TNFAIP8: variants seen among roughly 807,000 people sequenced by gnomAD.
The protein encoded by TNFAIP8 is tumor necrosis factor alpha-induced protein 8.
A neutral mutation model predicts 13.3 loss-of-function variants in TNFAIP8; 7 were observed. The observed-to-expected ratio is 0.52, with a 90% CI of 0.30 to 0.99. TNFAIP8 has a LOEUF of 0.99. Among genes scored for constraint, TNFAIP8 ranks in the 50% least tolerant of loss-of-function variants. The pLI is 0.07. For missense variants in TNFAIP8, 258 were observed against 236.9 expected (o/e 1.09, Z -0.58); for synonymous variants, 94 against 87.6 (o/e 1.07, Z -0.41).
At chr5:119,315,495 G>T (rs1749866443) in intron 1 of TNFAIP8, among the ~76,000 whole-genome samples, 1 of 152,184 alleles carries the variant, frequency 6.6e-6, no homozygotes, top group Admixed American at 6.5e-5. Flanking sequence ...CAGACAATGT[G>T]TGTTGGCATA....
At position 119,395,798 on chromosome 5, in the gene TNFAIP8, C is replaced by T. The variant is rs907425202; in HGVS notation, c.*2417C>T. 4.6e-5 allele frequency: 7 copies of T among 152,134 alleles called. No individual in the cohort carries two copies. The highest frequency in any genetic ancestry group is 2.1e-4 in the South Asian group (1 of 4,830). The allele number at this position is 152,134 out of a possible 1,614,324, so 9.4% of individuals were successfully genotyped here. ...GCGTGGGAGCTGGGAAGAATCCCCA[C>T]GTGCTTAGGGTAGATAAATCTGAGC... On this transcript the variant is annotated 3_prime_UTR_variant, in exon 2 of 2. Transcript: ENST00000504771.
chr5:119,268,924 C>T, intron 1 of TNFAIP8: 1 of 698,344 alleles, frequency 1.4e-6, no homozygotes. Context: ...GGCTCCTGGG[C>T]GCGCCCGTCC....
At chr5:119,319,978 T>G (rs1215003939) in intron 1 of TNFAIP8, among the ~76,000 whole-genome samples, 1 of 152,162 alleles carries the variant, frequency 6.6e-6, no homozygotes, top group Non-Finnish European at 1.5e-5. Flanking sequence ...GGAAAACAGA[T>G]TTCTGTTCAG....
chr5:119,274,527 A>G (rs569874280), intron 1 of TNFAIP8, among the ~76,000 whole-genome samples: 1 of 152,362 alleles, frequency 6.6e-6, no homozygotes, highest in Non-Finnish European at 1.5e-5. Context: ...GAGTGAACTC[A>G]GGCCTTCCCA....
At chr5:119,340,359 G>T (rs546839824) in intron 1 of TNFAIP8, among the ~76,000 whole-genome samples, 1 of 152,158 alleles carries the variant, frequency 6.6e-6, no homozygotes, top group African/African-American at 2.4e-5. Flanking sequence ...ACAGAAATTC[G>T]ATTCAGGAAC....
intron 1 of TNFAIP8, among the ~76,000 whole-genome samples, chr5:119,321,012 T>A (rs1409929812): frequency 6.6e-6 from 1 of 152,152 alleles, no homozygotes; most frequent in Non-Finnish European, 1.5e-5. Flanking sequence ...GTCAGGAGAT[T>A]GAGGCCATCC....
intron 1 of TNFAIP8, among the ~76,000 whole-genome samples, chr5:119,303,412 T>C (rs1561991958): frequency 6.6e-6 from 1 of 152,118 alleles, no homozygotes; most frequent in African/African-American, 2.4e-5. Context: ...CCTGGTACAG[T>C]ATGAGCAGTG....
At chr5:119,272,800 T>A (rs894591016) in intron 1 of TNFAIP8, among the ~76,000 whole-genome samples, 2 of 152,186 alleles carry the variant, frequency 1.3e-5, no homozygotes, top group Non-Finnish European at 2.9e-5. Flanking sequence ...AAAAAGGTTG[T>A]TTTCCTAGGC....
chr5:119,368,442 TGTGTGTGTGTGTGTGTGC>T (rs1751951950), intron 1 of TNFAIP8, among the ~76,000 whole-genome samples: 3 of 137,726 alleles, frequency 2.2e-5, no homozygotes, highest in South Asian at 4.5e-4. Context: ...TGTGTGTGTG[TGTGTGTGTGTGTGTGTGC>T]GTGTGTGTGT....
intron 1 of TNFAIP8, among the ~76,000 whole-genome samples, chr5:119,345,718 G>A (rs1310368049): frequency 6.6e-6 from 1 of 152,170 alleles, no homozygotes; most frequent in Non-Finnish European, 1.5e-5. Context: ...AGAGAATGGC[G>A]AATTAGTCTT....
chr5:119,390,417 C>T (rs1250968581), intron 1 of TNFAIP8, among the ~76,000 whole-genome samples: 1 of 151,992 alleles, frequency 6.6e-6, no homozygotes. Context: ...GACATAAATT[C>T]TTTAGTGTGA....
intron 1 of TNFAIP8, among the ~76,000 whole-genome samples, chr5:119,303,220 A>T (rs1749449271): frequency 6.6e-6 from 1 of 152,210 alleles, no homozygotes; most frequent in African/African-American, 2.4e-5. Flanking sequence ...TACCCATGCC[A>T]GTGAGGTCAT....
intron 1 of TNFAIP8, among the ~76,000 whole-genome samples, chr5:119,364,119 G>A (rs370852286): frequency 7.9e-5 from 12 of 152,112 alleles, no homozygotes; most frequent in African/African-American, 1.9e-4. Flanking sequence ...TCTCCAGCCC[G>A]TCTCCCCTGC....
chr5:119,322,023 A>C (rs563864616), intron 1 of TNFAIP8, among the ~76,000 whole-genome samples: 36 of 152,128 alleles, frequency 2.4e-4, no homozygotes, highest in African/African-American at 8.7e-4. Context: ...GAGCCTTTGC[A>C]CACACCCCTC....
chr5:119,336,508 G>A (rs774522144), intron 1 of TNFAIP8, among the ~76,000 whole-genome samples: 3 of 149,562 alleles, frequency 2.0e-5, no homozygotes, highest in Non-Finnish European at 4.4e-5. Context: ...AACAAACACA[G>A]AAAGCCTTAG....
intron 1 of TNFAIP8, among the ~76,000 whole-genome samples, chr5:119,319,754 C>T (rs903916906): frequency 1.2e-4 from 18 of 152,066 alleles, no homozygotes; most frequent in Admixed American, 3.9e-4. Flanking sequence ...TAAAGAACGC[C>T]GAGGTGGATT....
intron 1 of TNFAIP8, chr5:119,333,746 G>A (rs1337202126): frequency 2.9e-5 from 27 of 935,152 alleles, no homozygotes; most frequent in African/African-American, 6.4e-5. Context: ...ATGTTTGGTC[G>A]TGGCTTTAGA....
chr5:119,339,745 G>A (rs1750675209), intron 1 of TNFAIP8, among the ~76,000 whole-genome samples: 1 of 152,050 alleles, frequency 6.6e-6, no homozygotes, highest in Non-Finnish European at 1.5e-5. Flanking sequence ...TTCAATCTAT[G>A]GTAATTACAT....
At chr5:119,338,076 A>AC (rs887275485) in intron 1 of TNFAIP8, among the ~76,000 whole-genome samples, 2 of 151,496 alleles carry the variant, frequency 1.3e-5, no homozygotes, top group Non-Finnish European at 2.9e-5. Flanking sequence ...TGAGCTCCTC[A>AC]CCACACCTTC....
Sources: gnomAD v4.1 joint callset for allele counts (sites outside exome capture counted in the v4.1 genomes callset) on GRCh38, gnomAD v4.1.1 for gene constraint, MANE v1.5 for transcripts, NCBI Gene and HGNC (gene_info 2026-07-23, HGNC 2026-07-21) for gene names.